Variants in FAS observed in about 807,000 individuals in gnomAD.
The protein encoded by FAS is tumor necrosis factor receptor superfamily member 6.
Under a neutral mutation model 33.2 loss-of-function variants are expected in FAS, and 5 were observed. The ratio of observed to expected loss-of-function variants is 0.15; its 90% CI spans 0.08 to 0.32. The LOEUF (loss-of-function observed/expected upper bound fraction) is 0.32. Among genes scored for constraint, FAS ranks in the 10% least tolerant of loss-of-function variants. The pLI is 1.00. For missense variants in FAS, 339 were observed against 386.0 expected, an observed-to-expected ratio of 0.88 and a Z score of 1.02; for synonymous variants, 131 against 130.7, an observed-to-expected ratio of 1.00 and a Z score of -0.01.
intron 1 of FAS, among the ~76,000 whole-genome samples, chr10:88,969,031 T>A (rs573040838): frequency 6.6e-6 from 1 of 152,228 alleles, no homozygotes; most frequent in South Asian, 2.1e-4. Context: ...AAGATCCTCC[T>A]AAATAAGAAG....
rs1847129696 is a variant in FAS at position 88,990,823 on chromosome 10, C to G, written c.-54C>G. ...CTCTTCTCCCGCGGGTTGGTGGACC[C>G]GCTCAGTACGGAGTTGGGGAAGCTC... On this transcript the variant is annotated 5_prime_UTR_variant, in exon 1 of 9. Transcript: ENST00000652046. This position sits in a 1 kb window ranked among gnomAD's most constrained non-coding sequence, Gnocchi z 4.9. 1.9e-6 allele frequency: 3 copies of G among 1,613,474 alleles called. No homozygotes were observed. The highest frequency in any genetic ancestry group is 2.5e-6 in the Non-Finnish European group (3 of 1,179,548).
chr10:89,009,394 T>C (rs1405303433), intron 4 of FAS, among the ~76,000 whole-genome samples: 3 of 152,370 alleles, frequency 2.0e-5, no homozygotes, highest in Non-Finnish European at 2.9e-5. Flanking sequence ...ATGTGTCTCA[T>C]GACTTGAATC....
chr10:89,004,422 A>G (rs1848106104), intron 2 of FAS, among the ~76,000 whole-genome samples: 1 of 152,114 alleles, frequency 6.6e-6, no homozygotes, highest in South Asian at 2.1e-4. Flanking sequence ...TCTGCAGGTT[A>G]GTTACATATG....
At chr10:88,990,786 A>C (rs756858086), upstream of FAS, 1 of 1,560,154 alleles carries the variant, frequency 6.4e-7, no homozygotes, top group Non-Finnish European at 8.8e-7. The surrounding 1 kb of genome is among the most constrained non-coding windows in gnomAD (Gnocchi z 4.9). Context: ...CTGGCTGCCC[A>C]GGCGGAGCTG....
At chr10:88,984,397 G>A (rs1418914721), upstream of FAS, among the ~76,000 whole-genome samples, 1 of 152,084 alleles carries the variant, frequency 6.6e-6, no homozygotes, top group Non-Finnish European at 1.5e-5. Context: ...TTAAGAGTGA[G>A]TAGGAATGGA....
intron 1 of FAS, among the ~76,000 whole-genome samples, chr10:88,993,440 A>C (rs1847390512): frequency 2.0e-5 from 3 of 152,134 alleles, no homozygotes. Flanking sequence ...TTGAATTCCG[A>C]AGCCTCTAAG....
intron 6 of FAS, among the ~76,000 whole-genome samples, chr10:89,011,558 A>C (rs1385731800): frequency 6.6e-6 from 1 of 152,240 alleles, no homozygotes. Flanking sequence ...AGATTCTTCT[A>C]TCTCACATTG....
intron 1 of FAS, among the ~76,000 whole-genome samples, chr10:88,971,672 T>A (rs1433310171): frequency 1.3e-5 from 2 of 152,216 alleles, no homozygotes; most frequent in East Asian, 3.9e-4. Flanking sequence ...TTTTTGTAAC[T>A]AATAGGACAC....
At chr10:88,984,293 T>G (rs1846807097), upstream of FAS, among the ~76,000 whole-genome samples, 1 of 152,046 alleles carries the variant, frequency 6.6e-6, no homozygotes, top group Non-Finnish European at 1.5e-5. Context: ...CTCCTAGGGC[T>G]GTTGTAGAGA....
upstream of FAS, among the ~76,000 whole-genome samples, chr10:88,988,466 T>A (rs1846985521): frequency 6.8e-6 from 1 of 147,048 alleles, no homozygotes; most frequent in Non-Finnish European, 1.5e-5. Flanking sequence ...CCTGTTTTTT[T>A]ACATAGTCAA....
intron 1 of FAS, among the ~76,000 whole-genome samples, chr10:89,000,657 C>A: frequency 6.6e-6 from 1 of 152,016 alleles, no homozygotes; most frequent in East Asian, 1.9e-4. Flanking sequence ...TCTGGACCAC[C>A]GTTATACCCC....
intron 1 of FAS, among the ~76,000 whole-genome samples, chr10:89,001,317 C>T (rs1391258604): frequency 7.5e-5 from 11 of 146,426 alleles, no homozygotes; most frequent in Non-Finnish European, 3.0e-5. Flanking sequence ...TTGCTTTGAA[C>T]TTCAATAAAA....
chr10:89,001,277 T>C (rs75842430), intron 1 of FAS, among the ~76,000 whole-genome samples: 72 of 141,084 alleles, frequency 5.1e-4, no homozygotes, highest in Non-Finnish European at 1.0e-3. Context: ...TTTTTTTTTT[T>C]TGTGCTTCTT....
intron 8 of FAS, 76 bp from the exon 9 acceptor site, chr10:89,014,043 G>T (rs1448418782): frequency 2.8e-6 from 4 of 1,451,762 alleles, no homozygotes; most frequent in Non-Finnish European, 2.9e-6. Context: ...ACTATAAAAA[G>T]AGAAATAAAC....
At chr10:89,006,267 C>T (rs1238377467) in intron 2 of FAS, among the ~76,000 whole-genome samples, 1 of 152,228 alleles carries the variant, frequency 6.6e-6, no homozygotes. Context: ...TTAAATATTG[C>T]TACAATGTTA....
chr10:89,010,984 A>G, intron 6 of FAS, 169 bp downstream of exon 6: 1 of 762,484 alleles, frequency 1.3e-6, no homozygotes, highest in Admixed American at 2.2e-5. Context: ...AACAAATGAA[A>G]TTATTCCTCA....
chr10:88,976,250 C>T (rs1000713502), intron 2 of FAS, among the ~76,000 whole-genome samples: 40 of 152,124 alleles, frequency 2.6e-4, no homozygotes, highest in African/African-American at 6.7e-4. Flanking sequence ...AGAAAGTTTA[C>T]GAATTCGTGT....
chr10:88,988,798 T>C (rs1239942797), upstream of FAS, among the ~76,000 whole-genome samples: 1 of 152,192 alleles, frequency 6.6e-6, no homozygotes, highest in African/African-American at 2.4e-5. Context: ...GAACAGTATA[T>C]ATAATTACCC....
At chr10:88,995,096 A>G (rs1227912271) in intron 1 of FAS, among the ~76,000 whole-genome samples, 1 of 151,866 alleles carries the variant, frequency 6.6e-6, no homozygotes, top group Non-Finnish European at 1.5e-5. Flanking sequence ...ATGTATGTAT[A>G]TATATATTCA....
Sources: allele counts gnomAD v4.1 joint callset (sites outside exome capture counted in the v4.1 genomes callset), GRCh38; gene constraint gnomAD v4.1.1; non-coding constraint Gnocchi (gnomAD v3.1); transcripts MANE v1.5; gene names NCBI Gene and HGNC (gene_info 2026-07-23, HGNC 2026-07-21).